IGSF11: variants seen among roughly 807,000 people sequenced by gnomAD.
IGSF11 encodes immunoglobulin superfamily member 11.
In IGSF11, 22 loss-of-function variants were observed where a neutral mutation model predicts 41.0. The observed-to-expected ratio is 0.54, with a 90% CI of 0.38 to 0.77. The LOEUF (loss-of-function observed/expected upper bound fraction) is 0.77. IGSF11 is among the 30% of genes least tolerant of loss of function. IGSF11 has a pLI of 0.00. For missense variants in IGSF11, 444 were observed against 530.8 expected, an observed-to-expected ratio of 0.84 and a Z score of 1.61; for synonymous variants, 219 against 201.3, an observed-to-expected ratio of 1.09 and a Z score of -0.74.
At chr3:119,112,040 G>T (rs969773709) in intron 1 of IGSF11, among the ~76,000 whole-genome samples, 1 of 152,188 alleles carries the variant, frequency 6.6e-6, no homozygotes, top group South Asian at 2.1e-4. Flanking sequence ...CGGGGGTCAG[G>T]GGTCTGGGAC....
intron 1 of IGSF11, among the ~76,000 whole-genome samples, chr3:118,950,890 C>G (rs535000048): frequency 1.3e-5 from 2 of 152,066 alleles, no homozygotes; most frequent in Admixed American, 6.5e-5. Context: ...TGCTTGGGAG[C>G]AGATTAACAG....
At chr3:118,917,132 C>G (rs1429115720) in intron 4 of IGSF11, among the ~76,000 whole-genome samples, 4 of 151,096 alleles carry the variant, frequency 2.6e-5, no homozygotes, top group African/African-American at 9.7e-5. Context: ...ATTTATAGCA[C>G]TAAATGCCCA....
At chr3:119,057,723 T>C (rs982548119) in intron 1 of IGSF11, among the ~76,000 whole-genome samples, 5 of 152,186 alleles carry the variant, frequency 3.3e-5, no homozygotes, top group African/African-American at 7.2e-5. Flanking sequence ...CTTCAAACTA[T>C]ACTACAAGGC....
chr3:119,136,931 C>G (rs937176765), intron 1 of IGSF11, among the ~76,000 whole-genome samples: 18 of 152,110 alleles, frequency 1.2e-4, no homozygotes, highest in Admixed American at 1.0e-3. Flanking sequence ...TTTCTATGTG[C>G]CAACAGCAAG....
chr3:118,925,158 T>C (rs1291009108), intron 4 of IGSF11, among the ~76,000 whole-genome samples: 1 of 152,178 alleles, frequency 6.6e-6, no homozygotes, highest in Non-Finnish European at 1.5e-5. Flanking sequence ...CCATCAACAT[T>C]TGCTGGGATT....
intron 1 of IGSF11, among the ~76,000 whole-genome samples, chr3:119,019,274 C>T (rs553469189): frequency 7.7e-4 from 116 of 151,372 alleles, no homozygotes; most frequent in Non-Finnish European, 1.1e-3. Context: ...GCAATAAGTA[C>T]ATTTACATTC....
chr3:118,945,294 T>G (rs557462826), intron 1 of IGSF11, among the ~76,000 whole-genome samples: 1 of 152,332 alleles, frequency 6.6e-6, no homozygotes, highest in East Asian at 1.9e-4. Context: ...AAGAAAATTG[T>G]GGTCATACTC....
intron 1 of IGSF11, among the ~76,000 whole-genome samples, chr3:119,020,117 G>A (rs1353308149): frequency 6.6e-6 from 1 of 152,154 alleles, no homozygotes. Flanking sequence ...AAAACTGTGA[G>A]AAATAAATTT....
intron 1 of IGSF11, among the ~76,000 whole-genome samples, chr3:119,134,723 G>A (rs980422934): frequency 1.3e-5 from 2 of 151,934 alleles, no homozygotes; most frequent in African/African-American, 2.4e-5. Flanking sequence ...AGTTCATATG[G>A]AACCAAAAAA....
chr3:118,927,266 T>C (rs1282610977), intron 3 of IGSF11, among the ~76,000 whole-genome samples: 2 of 152,172 alleles, frequency 1.3e-5, no homozygotes, highest in Non-Finnish European at 2.9e-5. Context: ...TAGCATTAAT[T>C]ATAAAATAAA....
rs571941490 is a variant in IGSF11, at chr3:119,117,195, A to T, written c.-13-11990T>A. Among the ~76,000 whole-genome samples the T allele has an allele frequency of 2.7e-4, 41 of 150,280 alleles. 1 individual carries two copies. The South Asian group carries it at 8.5e-3, about 31-fold the overall frequency. On this transcript the variant is annotated intron_variant, in intron 1 of 7. Transcript: ENST00000425327. ...GAGGTCAAAACACAAACTGGAAGTT[A>T]TCAAAAAAAAAAAAACTACTCAATC...
upstream of IGSF11, among the ~76,000 whole-genome samples, chr3:119,038,620 G>T (rs1373585984): frequency 6.6e-6 from 1 of 152,010 alleles, no homozygotes; most frequent in Non-Finnish European, 1.5e-5. Context: ...GTTTTTTTAG[G>T]ACTTGAAAAA....
At chr3:118,929,510 G>A (rs1404487350) in intron 2 of IGSF11, among the ~76,000 whole-genome samples, 2 of 152,216 alleles carry the variant, frequency 1.3e-5, no homozygotes, top group African/African-American at 2.4e-5. Context: ...AAATAAAGGT[G>A]TAATCATTAT....
At chr3:119,021,851 T>A (rs761042666) in intron 1 of IGSF11, among the ~76,000 whole-genome samples, 1 of 152,204 alleles carries the variant, frequency 6.6e-6, no homozygotes, top group Non-Finnish European at 1.5e-5. Context: ...TAAGAACTTC[T>A]GTTCTTTAAA....
intron 1 of IGSF11, among the ~76,000 whole-genome samples, chr3:118,945,212 C>A (rs979348291): frequency 1.3e-5 from 2 of 151,908 alleles, no homozygotes; most frequent in Admixed American, 1.3e-4. Context: ...GAAAAAAAAC[C>A]AGAAAACAGA....
chr3:119,128,330 C>T (rs936811036), intron 1 of IGSF11, among the ~76,000 whole-genome samples: 1 of 149,490 alleles, frequency 6.7e-6, no homozygotes, highest in Non-Finnish European at 1.5e-5. Context: ...TGCACTCCAG[C>T]CTGGGTGAGA....
chr3:119,064,848 C>G (rs1459775518), intron 1 of IGSF11, among the ~76,000 whole-genome samples: 1 of 152,082 alleles, frequency 6.6e-6, no homozygotes, highest in African/African-American at 2.4e-5. Flanking sequence ...AAAAAGTTAA[C>G]TCTTATACAT....
chr3:119,061,835 T>C (rs1942062301), intron 1 of IGSF11, among the ~76,000 whole-genome samples: 1 of 152,024 alleles, frequency 6.6e-6, no homozygotes, highest in Non-Finnish European at 1.5e-5. Flanking sequence ...ATGATAATAG[T>C]ATACTTCTTG....
intron 1 of IGSF11, among the ~76,000 whole-genome samples, chr3:119,138,736 G>A (rs1052745398): frequency 6.6e-6 from 1 of 152,116 alleles, no homozygotes; most frequent in African/African-American, 2.4e-5. Context: ...TGGAACTGGA[G>A]ATCATAATGT....
Sources: gnomAD v4.1 joint callset for allele counts (sites outside exome capture counted in the v4.1 genomes callset) on GRCh38, gnomAD v4.1.1 for gene constraint, MANE v1.5 for transcripts, NCBI Gene and HGNC (gene_info 2026-07-23, HGNC 2026-07-21) for gene names.